LMO7: variants seen among roughly 807,000 people sequenced by gnomAD.
LMO7 encodes the protein LIM domain only protein 7.
LMO7 carries 120 observed loss-of-function variants against 206.5 expected under a neutral mutation model. The observed-to-expected ratio is 0.58, with a 90% CI of 0.50 to 0.68. The LOEUF (loss-of-function observed/expected upper bound fraction) is 0.68. Ranked by LOEUF, LMO7 falls within the 30% of genes least tolerant of loss-of-function variation. The pLI, the probability that LMO7 is intolerant of heterozygous loss-of-function variation, is 0.00. For synonymous variants in LMO7, 706 were observed against 681.5 expected (o/e 1.04, Z -0.56); for missense variants, 1,959 against 1,957.9 (o/e 1.00, Z -0.01).
chr13:75,667,432 A>G (rs962582872), intron 1 of LMO7, among the ~76,000 whole-genome samples: 1 of 151,996 alleles, frequency 6.6e-6, no homozygotes. Flanking sequence ...GTAGGTCCCT[A>G]AGGTTCACTT....
At chr13:75,692,143 C>T (rs2041535536) in intron 1 of LMO7, among the ~76,000 whole-genome samples, 1 of 152,164 alleles carries the variant, frequency 6.6e-6, no homozygotes, top group Non-Finnish European at 1.5e-5. Flanking sequence ...ACTTTTGTGA[C>T]AGTATTTTCA....
chr13:75,807,998 A>C lies in LMO7; in HGVS notation c.1715A>C (p.Asn572Thr), dbSNP rs1030606685. 6.2e-7 allele frequency: 1 copy of C among 1,613,938 alleles called. No homozygotes were observed. The highest frequency in any genetic ancestry group is 1.3e-5 in the African/African-American group (1 of 75,018). ...ERTCPSKEKS[N>T]SCRILVPSYR... Reference sequence around the variant, plus strand: ...ACATGCCCATCCAAAGAAAAAAGTAATAGCTGTAGAATATTAGTTCCTTCA... The same window carrying C: ...ACATGCCCATCCAAAGAAAAAAGTACTAGCTGTAGAATATTAGTTCCTTCA... Residue 572 changes from asparagine to threonine, a missense_variant, in exon 10 of 31, where the codon AAT (asparagine) becomes ACT (threonine). By Grantham distance (65) the Asn-to-Thr change is moderately conservative. Coordinates refer to ENST00000377534, the MANE Select transcript of LMO7 (RefSeq NM_001306080.2).
chr13:75,635,995 G>C (rs955145928), upstream of LMO7: 17 of 153,324 alleles, frequency 1.1e-4, no homozygotes, highest in African/African-American at 4.1e-4. Context: ...GGGCGGCCGC[G>C]AGCCGGGAGG....
At chr13:75,856,435 C>G (rs1595573291) in intron 29 of LMO7, 71 bp from the exon 30 acceptor site, 7 of 864,894 alleles carry the variant, frequency 8.1e-6, no homozygotes, top group East Asian at 7.3e-5. Context: ...CATTTCCCCC[C>G]CACCCCCAGG....
At chr13:75,727,212 T>G (rs2044557982) in intron 3 of LMO7, 114 bp downstream of exon 3, 3 of 608,168 alleles carry the variant, frequency 4.9e-6, no homozygotes, top group Non-Finnish European at 8.7e-6. Flanking sequence ...TATGGTTTTT[T>G]TGCTGAAGCA....
At chr13:75,692,183 T>C (rs1770617376) in intron 1 of LMO7, among the ~76,000 whole-genome samples, 1 of 152,178 alleles carries the variant, frequency 6.6e-6, no homozygotes, top group Non-Finnish European at 1.5e-5. Context: ...TTATTACATC[T>C]ACCCAGGAAA....
chr13:75,733,946 C>A (rs998735119), intron 3 of LMO7, among the ~76,000 whole-genome samples: 6 of 152,312 alleles, frequency 3.9e-5, no homozygotes, highest in Middle Eastern at 3.4e-3. Context: ...GCCCAGACTG[C>A]GAGATGTGCA....
chr13:75,777,300 A>T (rs1255144991), intron 4 of LMO7, among the ~76,000 whole-genome samples: 1 of 152,372 alleles, frequency 6.6e-6, no homozygotes, highest in South Asian at 2.1e-4. Context: ...CTTAAATTTT[A>T]AAGACAACTT....
chr13:75,807,473 G>A lies in LMO7; in HGVS notation c.1197-7G>A. On this transcript the variant is annotated splice_polypyrimidine_tract_variant and splice_region_variant and intron_variant, in intron 9 of 30. Coordinates refer to ENST00000377534, the MANE Select transcript of LMO7 (RefSeq NM_001306080.2). ...ATTCTCTTTCCTTTTTCCTCTCTGT[G>A]CATCAGTCAGTTTTTACTGCTTCAG... is the stretch of plus-strand genomic sequence containing the variant. The A allele has an allele frequency of 6.2e-7, 1 of 1,611,604 alleles. No homozygotes were observed. Among genetic ancestry groups the A allele is most frequent in the Non-Finnish European group, 8.5e-7 (1 of 1,179,224 alleles).
chr13:75,644,068 C>T (rs1566268718), intron 1 of LMO7, among the ~76,000 whole-genome samples: 1 of 151,942 alleles, frequency 6.6e-6, no homozygotes, highest in African/African-American at 2.4e-5. Context: ...TTCTGAAGAT[C>T]TTTCTATGAA....
At chr13:75,821,662 G>A in intron 14 of LMO7, 53 bp downstream of exon 14, 1 of 1,322,482 alleles carries the variant, frequency 7.6e-7, no homozygotes, top group Non-Finnish European at 1.1e-6. Flanking sequence ...AAATGTTGGT[G>A]AACTTGTGCA....
At chr13:75,737,908 C>T (rs955107596) in intron 3 of LMO7, among the ~76,000 whole-genome samples, 1 of 148,172 alleles carries the variant, frequency 6.7e-6, no homozygotes, top group Non-Finnish European at 1.5e-5. Context: ...CAGTTTTCCC[C>T]ATTTCCAGCA....
chr13:75,626,151 T>C (rs1724886348), intron 2 of LMO7, among the ~76,000 whole-genome samples: 1 of 152,204 alleles, frequency 6.6e-6, no homozygotes, highest in Non-Finnish European at 1.5e-5. Flanking sequence ...TTTAATCCTT[T>C]CCTTTAAAAA....
chr13:75,750,218 G>A (rs1056369077), intron 3 of LMO7, among the ~76,000 whole-genome samples: 2 of 152,102 alleles, frequency 1.3e-5, no homozygotes, highest in Admixed American at 6.5e-5. Context: ...TAAGATTCAA[G>A]TACTTTTGGT....
At chr13:75,782,980 G>C (rs956902532) in intron 4 of LMO7, among the ~76,000 whole-genome samples, 1 of 152,146 alleles carries the variant, frequency 6.6e-6, no homozygotes, top group African/African-American at 2.4e-5. Context: ...ACCTTGGTGG[G>C]GAGTGGGGTC....
chr13:75,763,637 C>T (rs2048470501), intron 4 of LMO7, among the ~76,000 whole-genome samples: 1 of 152,066 alleles, frequency 6.6e-6, no homozygotes, highest in African/African-American at 2.4e-5. Context: ...TATAACTGCC[C>T]AGACTGAATC....
intron 1 of LMO7, among the ~76,000 whole-genome samples, chr13:75,651,980 C>T (rs1257836948): frequency 2.0e-5 from 3 of 152,128 alleles, no homozygotes; most frequent in African/African-American, 7.2e-5. Flanking sequence ...TCACTGCCTC[C>T]AACAATATGG....
chr13:75,845,367 A>G lies in LMO7; in HGVS notation c.4138A>G (p.Thr1380Ala). The change falls in exon 26 of 31, where the codon ACA becomes GCA. Residue 1380 changes from threonine (T) to alanine (A), a missense_variant. Physicochemically the swap from Thr to Ala is moderately conservative, Grantham distance 58. Coordinates refer to ENST00000377534, the MANE Select transcript of LMO7 (RefSeq NM_001306080.2). ...TACTACTGAACTGGATGATTACTCC[A>G]CAAATAAAAATGGTAAATGCGATAT... ...RSTTELDDYS[T>A]NKNGNNKYLD... The G allele has an allele frequency of 6.9e-6, 11 of 1,583,712 alleles. No individual in the cohort carries two copies. Among genetic ancestry groups the G allele is most frequent in the Non-Finnish European group, 8.7e-6 (10 of 1,155,312 alleles).
intron 4 of LMO7, among the ~76,000 whole-genome samples, chr13:75,773,680 G>T (rs9530467): frequency 0.52 from 79,132 of 151,990 alleles, 20,756 homozygotes; most frequent in South Asian, 0.64. Flanking sequence ...AGCTGATTTG[G>T]AGGCAAGAGA....
Sources: gnomAD v4.1 joint callset for allele counts (sites outside exome capture counted in the v4.1 genomes callset) on GRCh38, gnomAD v4.1.1 for gene constraint, MANE v1.5 for transcripts, NCBI Gene and HGNC (gene_info 2026-07-23, HGNC 2026-07-21) for gene names.